DEPDC5: variants seen among roughly 807,000 people sequenced by gnomAD.
DEPDC5 encodes DEP domain containing 5, GATOR1 subcomplex subunit.
A neutral mutation model predicts 217.3 loss-of-function variants in DEPDC5; 73 were observed. That is an observed-to-expected ratio of 0.34 (90% CI 0.28 to 0.41). The LOEUF (loss-of-function observed/expected upper bound fraction) is 0.41, where lower values mean the gene tolerates loss of function less well. Ranked by LOEUF, DEPDC5 falls within the 10% of genes least tolerant of loss-of-function variation. DEPDC5 has a pLI of 1.00. For missense variants in DEPDC5, 1,675 were observed against 2,070.1 expected (o/e 0.81, Z 3.70); for synonymous variants, 733 against 756.7 (o/e 0.97, Z 0.51).
chr22:31,869,844 T>C (rs2149224711), intron 33 of DEPDC5, among the ~76,000 whole-genome samples: 1 of 152,278 alleles, frequency 6.6e-6, no homozygotes, highest in Admixed American at 6.5e-5. Flanking sequence ...ATTGGAACTG[T>C]TCTTGACAGA....
intron 38 of DEPDC5, among the ~76,000 whole-genome samples, chr22:31,884,097 C>T (rs1380286620): frequency 6.6e-6 from 1 of 152,170 alleles, no homozygotes; most frequent in Non-Finnish European, 1.5e-5. Context: ...GAGCCCCGCT[C>T]CCCACCCTCA....
chr22:31,876,798 G>T (rs910398704), intron 37 of DEPDC5, among the ~76,000 whole-genome samples: 8 of 152,226 alleles, frequency 5.3e-5, no homozygotes, highest in African/African-American at 1.7e-4. Context: ...TAATTCCCCA[G>T]AGGGAAAACT....
At chr22:31,818,819 C>T (rs1449515272) in intron 21 of DEPDC5, among the ~76,000 whole-genome samples, 2 of 152,234 alleles carry the variant, frequency 1.3e-5, no homozygotes, top group African/African-American at 4.8e-5. Flanking sequence ...AACCAAAACT[C>T]CCTTCTCCCA....
chr22:31,766,652 G>T lies in DEPDC5; in HGVS notation c.347G>T (p.Arg116Leu), dbSNP rs777623410. The T allele has an allele frequency of 6.2e-7, 1 of 1,613,482 alleles. No individual in the cohort carries two copies. The highest frequency in any genetic ancestry group is 1.1e-5 in the South Asian group (1 of 90,812). ...TATATTGGCCGTGGGGATATGTGGC[G>T]ACTAAAGAAAAGTTTGGTAAGATGT... is the stretch of plus-strand genomic sequence containing the variant. ...DQYIGRGDMW[R>L]LKKSLVSTCA... Residue 116 changes from arginine (R) to leucine (L), a missense_variant, in exon 6 of 43, where the codon CGA becomes CTA. By Grantham distance (102) the Arg-to-Leu change is moderately radical. Around this residue, in one of 11 missense-constraint regions of DEPDC5, gnomAD observed 628 missense variants for 762.1 expected, o/e 0.82. Coordinates refer to ENST00000651528, the MANE Select transcript of DEPDC5 (RefSeq NM_001242896.3).
intron 6 of DEPDC5, among the ~76,000 whole-genome samples, chr22:31,767,190 G>C (rs995930489): frequency 6.6e-6 from 1 of 151,786 alleles, no homozygotes; most frequent in Admixed American, 6.6e-5. Flanking sequence ...CCCCAAGCTG[G>C]AGTGAAATGG....
intron 10 of DEPDC5, among the ~76,000 whole-genome samples, chr22:31,786,557 A>G (rs911986688): frequency 6.6e-6 from 1 of 150,884 alleles, no homozygotes; most frequent in Admixed American, 6.6e-5. Context: ...GTGCAATCTC[A>G]GCTCACTGCA....
chr22:31,876,800 G>C (rs1172053317), intron 37 of DEPDC5, among the ~76,000 whole-genome samples: 1 of 152,118 alleles, frequency 6.6e-6, no homozygotes, highest in Non-Finnish European at 1.5e-5. Flanking sequence ...ATTCCCCAGA[G>C]GGAAAACTTT....
At chr22:31,830,630 C>CATGTGTGT (rs1555892555) in intron 24 of DEPDC5, among the ~76,000 whole-genome samples, 1 of 142,464 alleles carries the variant, frequency 7.0e-6, no homozygotes, top group Non-Finnish European at 1.5e-5. Flanking sequence ...TATGCGTGTA[C>CATGTGTGT]GTGTGTGTGT....
chr22:31,863,782 G>A (rs539092093), intron 33 of DEPDC5, among the ~76,000 whole-genome samples: 1 of 151,972 alleles, frequency 6.6e-6, no homozygotes, highest in African/African-American at 2.4e-5. Flanking sequence ...AATTAGACCG[G>A]GCTCGTGGCG....
chr22:31,843,052 A>G (rs1377316706), intron 27 of DEPDC5, 43 bp from the exon 28 acceptor site: 4 of 1,444,184 alleles, frequency 2.8e-6, no homozygotes, highest in Non-Finnish European at 3.9e-6. Flanking sequence ...TGTTATAGGA[A>G]TGAGCTTCAA....
chr22:31,845,684 A>C (rs1344146570), intron 30 of DEPDC5, among the ~76,000 whole-genome samples: 1 of 152,132 alleles, frequency 6.6e-6, no homozygotes, highest in Non-Finnish European at 1.5e-5. Context: ...GGGTTATGGA[A>C]TATGCCAGCT....
At chr22:31,891,261 A>T in intron 38 of DEPDC5, 1 of 531,272 alleles carries the variant, frequency 1.9e-6, no homozygotes, top group Admixed American at 2.8e-5. Context: ...CTCTTTAATT[A>T]CCTCTTAATG....
At chr22:31,821,782 T>A in intron 23 of DEPDC5, 145 bp downstream of exon 23, 1 of 1,169,726 alleles carries the variant, frequency 8.5e-7, no homozygotes, top group Non-Finnish European at 1.2e-6. Context: ...TGTTGGCCAG[T>A]GGCATTCCCT....
intron 38 of DEPDC5, among the ~76,000 whole-genome samples, chr22:31,886,032 CAAA>C (rs1234869480): frequency 3.8e-5 from 4 of 105,158 alleles, no homozygotes; most frequent in Non-Finnish European, 2.0e-5. Flanking sequence ...GACTCCCTCT[CAAA>C]AAAAAAAAAA....
intron 6 of DEPDC5, among the ~76,000 whole-genome samples, chr22:31,768,543 G>GCTGGT (rs2083026208): frequency 6.6e-6 from 1 of 152,162 alleles, no homozygotes; most frequent in South Asian, 2.1e-4. Context: ...TATTTGTAAA[G>GCTGGT]CTGGTCATTT....
intron 31 of DEPDC5, among the ~76,000 whole-genome samples, chr22:31,848,741 C>G (rs1286621974): frequency 6.6e-6 from 1 of 152,194 alleles, no homozygotes; most frequent in Non-Finnish European, 1.5e-5. Context: ...CAAATTTCTG[C>G]AGTAGGCTTG....
intron 36 of DEPDC5, 53 bp from the exon 37 acceptor site, chr22:31,876,104 C>A: frequency 6.5e-7 from 1 of 1,540,634 alleles, no homozygotes; most frequent in Non-Finnish European, 9.0e-7. Flanking sequence ...CTGAGGGCTG[C>A]CCCTTCAAGA....
intron 38 of DEPDC5, among the ~76,000 whole-genome samples, chr22:31,885,678 T>C (rs1602735413): frequency 1.4e-5 from 2 of 141,320 alleles, no homozygotes; most frequent in East Asian, 4.2e-4. Context: ...TGAGCCGAGA[T>C]CATGCCGCTG....
chr22:31,900,253 G>A (rs903966663), intron 40 of DEPDC5, among the ~76,000 whole-genome samples: 4 of 151,788 alleles, frequency 2.6e-5, no homozygotes, highest in Non-Finnish European at 4.4e-5. Flanking sequence ...CACCATGTTG[G>A]CCAGGCTGGT....
Sources: gnomAD v4.1 joint callset for allele counts (sites outside exome capture counted in the v4.1 genomes callset) on GRCh38, gnomAD v4.1.1 for gene constraint, gnomAD v4.1.1 regional missense constraint, MANE v1.5 for transcripts, NCBI Gene and HGNC (gene_info 2026-07-23, HGNC 2026-07-21) for gene names.